COXFA4L3: variants seen among roughly 807,000 people sequenced by gnomAD.
COXFA4L3 encodes the protein MIR147B host.
chr15:45,431,170 T>G, the COXFA4L3 span: 1 of 1,211,008 alleles, frequency 8.3e-7, no homozygotes, highest in Non-Finnish European at 1.2e-6. Context: ...TTCCTATTTT[T>G]TTCCCATGGA....
the COXFA4L3 span, chr15:45,433,123 T>A: frequency 8.5e-7 from 1 of 1,178,008 alleles, no homozygotes; most frequent in Non-Finnish European, 1.3e-6. Context: ...TCTGCTACAT[T>A]TTTAGGGTTT....
At chr15:45,432,393 G>A in the COXFA4L3 span, among the ~76,000 whole-genome samples, 12 of 152,202 alleles carry the variant, frequency 7.9e-5, no homozygotes, top group Non-Finnish European at 1.8e-4. Flanking sequence ...GGCCAGGCAC[G>A]GTGTCTCACA....
chr15:45,430,891 G>C, the COXFA4L3 span: 36 of 1,571,664 alleles, frequency 2.3e-5, no homozygotes, highest in Non-Finnish European at 3.1e-5. Flanking sequence ...AAGATGAAAA[G>C]ATGGCACAGA....
chr15:45,430,654 A>T, the COXFA4L3 span: 1 of 703,632 alleles, frequency 1.4e-6, no homozygotes, highest in Non-Finnish European at 2.4e-6. Context: ...CCCGGCGTCC[A>T]GGTGAGTCTC....
chr15:45,433,017 C>G, the COXFA4L3 span: 1 of 1,612,036 alleles, frequency 6.2e-7, no homozygotes, highest in Non-Finnish European at 8.5e-7. Context: ...GACCAAATGA[C>G]GAGCCCTCGC....
the COXFA4L3 span, chr15:45,430,885 T>C: frequency 1.9e-6 from 3 of 1,578,076 alleles, no homozygotes; most frequent in African/African-American, 1.4e-5. Context: ...TTTTTAAAGA[T>C]GAAAAGATGG....
At chr15:45,432,019 T>A in the COXFA4L3 span, 2 of 1,480,700 alleles carry the variant, frequency 1.4e-6, no homozygotes, top group Non-Finnish European at 9.4e-7. Flanking sequence ...CCAGTATCAG[T>A]GTTGGTTTAA....
At chr15:45,432,289 T>C in the COXFA4L3 span, among the ~76,000 whole-genome samples, 1 of 152,242 alleles carries the variant, frequency 6.6e-6, no homozygotes, top group African/African-American at 2.4e-5. Context: ...GCCTACTCTA[T>C]GCCAGGAGCA....
the COXFA4L3 span, chr15:45,433,234 A>G: frequency 2.0e-6 from 1 of 506,648 alleles, no homozygotes; most frequent in Non-Finnish European, 3.7e-6. Flanking sequence ...TGAATATTGC[A>G]TATTGAAATT....
the COXFA4L3 span, chr15:45,430,997 T>C: frequency 1.2e-6 from 2 of 1,613,554 alleles, no homozygotes; most frequent in Non-Finnish European, 1.7e-6. Context: ...CTGTTATTTG[T>C]TAGCTCATTC....
At chr15:45,432,415 A>C in the COXFA4L3 span, among the ~76,000 whole-genome samples, 13 of 152,356 alleles carry the variant, frequency 8.5e-5, no homozygotes, top group South Asian at 1.9e-3. Context: ...CTGTAATGCC[A>C]ACACTTTGGG....
the COXFA4L3 span, chr15:45,431,060 G>GTAT: frequency 6.2e-7 from 1 of 1,614,008 alleles, no homozygotes; most frequent in Non-Finnish European, 8.5e-7. Context: ...CTTTCGCTGT[G>GTAT]TATTCTCTTT....
chr15:45,432,133 G>A, the COXFA4L3 span: 5 of 1,610,412 alleles, frequency 3.1e-6, no homozygotes, highest in Non-Finnish European at 4.2e-6. Flanking sequence ...ACCTCAAAAG[G>A]TATTGTTAAA....
the COXFA4L3 span, chr15:45,433,146 T>C: frequency 1.0e-6 from 1 of 976,666 alleles, no homozygotes; most frequent in Non-Finnish European, 1.7e-6. Context: ...CTACATTTTT[T>C]GGGCTCTGGA....
chr15:45,432,976 C>T, the COXFA4L3 span: 1 of 1,613,870 alleles, frequency 6.2e-7, no homozygotes, highest in African/African-American at 1.3e-5. Context: ...CAATGGAAAC[C>T]CATTGAAGAG....
chr15:45,430,714 C>T, the COXFA4L3 span: 6 of 1,360,406 alleles, frequency 4.4e-6, no homozygotes, highest in Non-Finnish European at 6.2e-6. Context: ...CTGCGGAGCG[C>T]GGTGGACGGT....
chr15:45,432,397 T>A, the COXFA4L3 span, among the ~76,000 whole-genome samples: 1 of 152,226 alleles, frequency 6.6e-6, no homozygotes, highest in Non-Finnish European at 1.5e-5. Context: ...AGGCACGGTG[T>A]CTCACACCTG....
the COXFA4L3 span, chr15:45,431,401 T>TTTG: frequency 1.2e-4 from 25 of 211,662 alleles, no homozygotes; most frequent in African/African-American, 5.5e-4. Context: ...TAAAGCTTGT[T>TTTG]TTTTTTTTTT....
the COXFA4L3 span, chr15:45,431,367 C>T: frequency 3.3e-6 from 1 of 300,082 alleles, no homozygotes; most frequent in Non-Finnish European, 6.0e-6. Context: ...CCCATTGGCC[C>T]TTCTCCACTC....
Sources: gnomAD v4.1 joint callset for allele counts (sites outside exome capture counted in the v4.1 genomes callset) on GRCh38, gnomAD v4.1.1 for gene constraint, MANE v1.5 for transcripts, NCBI Gene and HGNC (gene_info 2026-07-23, HGNC 2026-07-21) for gene names.